Variants in SIN3B observed in about 807,000 individuals in gnomAD.
The protein encoded by SIN3B is SIN3 transcription regulator family member B.
Under a neutral mutation model 120.2 loss-of-function variants are expected in SIN3B, and 19 were observed. The observed-to-expected ratio is 0.16, with a 90% confidence interval of 0.11 to 0.23. SIN3B has a LOEUF of 0.23. SIN3B is among the 10% of genes least tolerant of loss of function. The pLI is 1.00. For missense variants in SIN3B, 1,073 were observed against 1,573.0 expected (o/e 0.68, Z 5.38); for synonymous variants, 654 against 653.2 (o/e 1.00, Z -0.02).
chr19:16,857,111 G>T (rs893423374), intron 8 of SIN3B, among the ~76,000 whole-genome samples: 6 of 152,122 alleles, frequency 3.9e-5, no homozygotes, highest in African/African-American at 7.2e-5. Context: ...ATAGCATCCT[G>T]TTTTTAGTAG....
At chr19:16,836,722 T>G (rs1466242165) in intron 3 of SIN3B, among the ~76,000 whole-genome samples, 1 of 152,154 alleles carries the variant, frequency 6.6e-6, no homozygotes, top group East Asian at 1.9e-4. Flanking sequence ...GCGGGTCCTC[T>G]TCAGGGCAGA....
At chr19:16,871,194 A>T in intron 13 of SIN3B, 35 bp from the exon 14 acceptor site, 1 of 1,613,728 alleles carries the variant, frequency 6.2e-7, no homozygotes, top group Non-Finnish European at 8.5e-7. Flanking sequence ...TGCGCTCTCC[A>T]GGAGGCATAT....
At chr19:16,838,694 C>T (rs1241299831) in intron 3 of SIN3B, among the ~76,000 whole-genome samples, 5 of 151,814 alleles carry the variant, frequency 3.3e-5, no homozygotes. Flanking sequence ...TTTTTCGAGA[C>T]AGAGTCTCGC....
chr19:16,870,663 T>C (rs2051498702), intron 13 of SIN3B, among the ~76,000 whole-genome samples: 1 of 152,028 alleles, frequency 6.6e-6, no homozygotes, highest in African/African-American at 2.4e-5. Flanking sequence ...AGCAATTCTC[T>C]GCCTCAGCCT....
intron 5 of SIN3B, 108 bp downstream of exon 5, chr19:16,847,221 C>A: frequency 8.1e-7 from 1 of 1,234,740 alleles, no homozygotes; most frequent in Non-Finnish European, 1.1e-6. Flanking sequence ...CCAGGCCACA[C>A]TAGGGTCCCC....
intron 3 of SIN3B, among the ~76,000 whole-genome samples, chr19:16,839,182 C>T (rs979459744): frequency 2.6e-5 from 4 of 151,962 alleles, no homozygotes; most frequent in Non-Finnish European, 4.4e-5. Context: ...TGGCCAGGCT[C>T]GTCTCAAACT....
intron 14 of SIN3B, among the ~76,000 whole-genome samples, chr19:16,874,794 G>A (rs751980796): frequency 3.3e-5 from 5 of 150,982 alleles, no homozygotes; most frequent in Non-Finnish European, 7.4e-5. Flanking sequence ...GGTTTGGTGT[G>A]GTTTGGTCTG....
chr19:16,841,730 G>A (rs1971419279), intron 3 of SIN3B, 38 bp from the exon 4 acceptor site: 1 of 1,587,316 alleles, frequency 6.3e-7, no homozygotes. Flanking sequence ...TCTGTTTCCA[G>A]TGTCGGGCCT....
chr19:16,855,482 A>C (rs1279660006), intron 8 of SIN3B: 2 of 147,298 alleles, frequency 1.4e-5, no homozygotes, highest in African/African-American at 5.0e-5. Flanking sequence ...GCACTTTGGG[A>C]GGCCGAGGTG....
chr19:16,876,214 G>A lies in SIN3B; in HGVS notation c.2752G>A (p.Glu918Lys), dbSNP rs1448769566. The A allele has an allele frequency of 1.2e-6, 2 of 1,611,240 alleles. No individual in the cohort carries two copies. The highest frequency in any genetic ancestry group is 8.5e-7 in the Non-Finnish European group (1 of 1,178,442). Residue 918 changes from glutamate to lysine, a missense_variant, in exon 15 of 19, where the codon GAG (glutamate) becomes AAG (lysine). Transcript: ENST00000248054. The surrounding 1 kb of genome is among the most constrained non-coding windows in gnomAD (Gnocchi z 7.1). ...QWKAERCMAD[E>K]NCFKVMFLQR... ...GAAGGCTGAGCGCTGCATGGCCGAC[G>A]AGAACTGCTTCAAGGTGAGAGGAGG...
rs774723878 is a variant in SIN3B at position 16,862,499 on chromosome 19, G to T, written c.1206G>T (p.Arg402=). 1 of 1,614,072 alleles carries T rather than the reference G, an allele frequency of 6.2e-7. No individual in the cohort carries two copies. The highest frequency in any genetic ancestry group is 8.5e-7 in the Non-Finnish European group (1 of 1,180,024). The change falls in exon 9 of 19, where the codon CGG becomes CGT. Residue 402 remains arginine (R), a synonymous_variant. Coordinates refer to ENST00000248054, the MANE Select transcript of SIN3B (RefSeq NM_001297595.2). The surrounding 1 kb of genome is among the most constrained non-coding windows in gnomAD (Gnocchi z 4.7). The stretch of plus-strand genomic sequence containing the variant: ...GCAAGCGCATAGGATCCAGCTACCG[G>T]GCACTCCCCAAAACCTACCAGCAGC... ...ASCKRIGSSY[R]ALPKTYQQPK...
chr19:16,834,162 T>G (rs1971315263), intron 3 of SIN3B, among the ~76,000 whole-genome samples: 1 of 152,174 alleles, frequency 6.6e-6, no homozygotes, highest in South Asian at 2.1e-4. Context: ...TTAGCAAGAC[T>G]GATCTCCAGA....
At chr19:16,863,902 C>T in intron 10 of SIN3B, 106 bp downstream of exon 10, 1 of 760,110 alleles carries the variant, frequency 1.3e-6, no homozygotes, top group South Asian at 1.7e-5. Flanking sequence ...TTTGGAGGAG[C>T]AGGAATTGCA....
intron 5 of SIN3B, among the ~76,000 whole-genome samples, chr19:16,848,689 C>G (rs546672828): frequency 6.6e-6 from 1 of 152,146 alleles, no homozygotes; most frequent in African/African-American, 2.4e-5. Context: ...TTTGTAGAGA[C>G]AGGGCTTCGC....
rs371598127 is a variant in SIN3B, at chr19:16,871,421, C to T, written c.2592+23C>T. ...CAGGTGAGCCGGGCCGGGGTGGGGC[C>T]GGCCCTGAGGACGGCGGAAATGGCT... is the stretch of plus-strand genomic sequence containing the variant. On this transcript the variant is annotated intron_variant, in intron 14 of 18. Transcript: ENST00000248054. 3.0e-5 allele frequency: 47 copies of T among 1,582,638 alleles called. No homozygotes were observed. The African/African-American group carries it at 3.1e-4, about 10-fold the overall frequency.
At chr19:16,871,501 C>G (rs1327588174) in intron 14 of SIN3B, 103 bp downstream of exon 14, 1 of 1,099,640 alleles carries the variant, frequency 9.1e-7, no homozygotes, top group East Asian at 2.6e-5. Context: ...CACAGCAAAC[C>G]TATCCTGTTT....
rs1458091659 is a variant in SIN3B at position 16,877,581 on chromosome 19, G to A, written c.2896G>A (p.Glu966Lys). The A allele has an allele frequency of 1.2e-5, 19 of 1,612,274 alleles. No homozygotes were observed. The highest frequency in any genetic ancestry group is 1.6e-5 in the Non-Finnish European group (19 of 1,179,520). Residue 966 changes from glutamate (E) to lysine (K), a missense_variant, in exon 17 of 19, where the codon GAG (glutamate) becomes AAG (lysine). Physicochemically the swap from Glu to Lys is moderately conservative, Grantham distance 56. Transcript: ENST00000248054. ...ARYVEQYVGT[E>K]GASSSPTEGF... ...GTACGTGGAGCAGTATGTGGGGACC[G>A]AGGGCGCGTCCAGCTCGCCCACTGA...
intron 2 of SIN3B, among the ~76,000 whole-genome samples, chr19:16,831,115 T>A (rs977528523): frequency 1.3e-5 from 2 of 149,470 alleles, no homozygotes; most frequent in African/African-American, 5.0e-5. Flanking sequence ...CAGGCTGGAG[T>A]GCAGTGGTGT....
rs377113356 is a variant in SIN3B, at chr19:16,877,170, C to T, written c.2860-375C>T. ...CTACCACCACAATGACCACAAACCA[C>T]GTGGCTTCAAACAACAGAAGTCTAT... On this transcript the variant is annotated intron_variant, in intron 16 of 18. Transcript: ENST00000248054. 5.8e-4 allele frequency: 150 copies of T among 258,404 alleles called. 3 individuals carry two copies. In the South Asian group the frequency reaches 8.4e-3, roughly 14 times the overall value. The allele number at this position is 258,404 out of a possible 1,614,324, so 16.0% of individuals were successfully genotyped here. A position where few individuals can be genotyped will look rare whatever the true frequency, so the allele number is the denominator to read the frequency against.
Sources: allele counts gnomAD v4.1 joint callset (sites outside exome capture counted in the v4.1 genomes callset), GRCh38; gene constraint gnomAD v4.1.1; non-coding constraint Gnocchi (gnomAD v3.1); transcripts MANE v1.5; gene names NCBI Gene and HGNC (gene_info 2026-07-23, HGNC 2026-07-21).